Variants in TMOD3 observed in about 807,000 individuals in gnomAD.
TMOD3 encodes the protein tropomodulin 3, also known as tropomodulin-3.
TMOD3 carries 20 observed loss-of-function variants against 39.2 expected under a neutral mutation model. The observed-to-expected ratio is 0.51, with a 90% confidence interval of 0.36 to 0.74. The LOEUF (loss-of-function observed/expected upper bound fraction) is 0.74. Ranked by LOEUF, TMOD3 falls within the 30% of genes least tolerant of loss-of-function variation. TMOD3 has a pLI of 0.00. For synonymous variants in TMOD3, 143 were observed against 145.8 expected (o/e 0.98, Z 0.14); for missense variants, 381 against 412.8 (o/e 0.92, Z 0.67).
chr15:51,897,794 A>AC (rs914456257), intron 7 of TMOD3, among the ~76,000 whole-genome samples: 8 of 150,978 alleles, frequency 5.3e-5, no homozygotes, highest in Admixed American at 2.0e-4. Flanking sequence ...AAAAAAAAAA[A>AC]AAAACAAAAA....
intron 5 of TMOD3, among the ~76,000 whole-genome samples, chr15:51,889,915 C>T (rs1391436253): frequency 6.6e-6 from 1 of 151,996 alleles, no homozygotes; most frequent in Non-Finnish European, 1.5e-5. Flanking sequence ...GTGATACATG[C>T]CTTTGTAGCA....
In TMOD3 at chr15:51,909,005, T is replaced by C. The variant is rs1348173191; in HGVS notation, c.*195T>C. 1 of 403,242 alleles carries C rather than the reference T, an allele frequency of 2.5e-6. No homozygotes were observed. The highest frequency in any genetic ancestry group is 4.4e-6 in the Non-Finnish European group (1 of 227,314). The allele number at this position is 403,242 out of a possible 1,614,324, so 25.0% of individuals were successfully genotyped here. A position where few individuals can be genotyped will look rare whatever the true frequency, so the allele number is the denominator to read the frequency against. ...TTTATATTCTGAAACATTTCTACTTTCTGCTAAAATCAATTTTAATTTAGT... is the reference window on the plus strand; with the variant it reads ...TTTATATTCTGAAACATTTCTACTTCCTGCTAAAATCAATTTTAATTTAGT... On this transcript the variant is annotated 3_prime_UTR_variant, in exon 10 of 10. Transcript: ENST00000308580.
At chr15:51,832,644 C>T (rs1163653671) in intron 1 of TMOD3, among the ~76,000 whole-genome samples, 2 of 151,870 alleles carry the variant, frequency 1.3e-5, no homozygotes, top group African/African-American at 4.8e-5. Context: ...ACAGCCTGGG[C>T]AACATAGCAA....
chr15:51,839,082 CAGAA>C, intron 1 of TMOD3, among the ~76,000 whole-genome samples: 1 of 151,522 alleles, frequency 6.6e-6, no homozygotes, highest in African/African-American at 2.4e-5. Context: ...ATTTTGATGT[CAGAA>C]GGAAGTGACC....
chr15:51,859,934 T>C (rs190688929), intron 1 of TMOD3: 47 of 545,056 alleles, frequency 8.6e-5, no homozygotes, highest in African/African-American at 8.4e-4. Flanking sequence ...TTCCAACCTC[T>C]TCCCTCTGAG....
At chr15:51,859,558 C>A in intron 1 of TMOD3, 2 of 611,466 alleles carry the variant, frequency 3.3e-6, no homozygotes. Flanking sequence ...TTCAGGGTTA[C>A]TGAGTTGGCA....
At chr15:51,844,621 G>A (rs965292965) in intron 1 of TMOD3, among the ~76,000 whole-genome samples, 1 of 152,186 alleles carries the variant, frequency 6.6e-6, no homozygotes, top group Non-Finnish European at 1.5e-5. Context: ...AGGAAATAAA[G>A]ACCAAGGCAG....
At chr15:51,866,057 G>A (rs907739090) in intron 2 of TMOD3, among the ~76,000 whole-genome samples, 4 of 152,118 alleles carry the variant, frequency 2.6e-5, no homozygotes, top group Non-Finnish European at 5.9e-5. Flanking sequence ...TATATGAAAA[G>A]TAATTATGAT....
chr15:51,893,198 G>A (rs1388126004), intron 5 of TMOD3, among the ~76,000 whole-genome samples: 1 of 147,588 alleles, frequency 6.8e-6, no homozygotes, highest in Non-Finnish European at 1.5e-5. Context: ...GGGAGGCTGA[G>A]GCAGGAGAGT....
rs2056728518 is a variant in TMOD3, at chr15:51,915,348, TAA to T, written c.*6542_*6543del. Reference sequence around the variant, plus strand: ...TTCAAATGTATATACACGTATAACATAAAAATTTTTGTAATTTCAAATGTCTT... The same window carrying T: ...TTCAAATGTATATACACGTATAACATAAATTTTTGTAATTTCAAATGTCTT... On this transcript the variant is annotated 3_prime_UTR_variant, in exon 10 of 10. Coordinates refer to ENST00000308580, the MANE Select transcript of TMOD3 (RefSeq NM_014547.5). The T allele has an allele frequency of 6.6e-6, 1 of 152,174 alleles. No homozygotes were observed. The highest frequency in any genetic ancestry group is 6.5e-5 in the Admixed American group (1 of 15,270). The allele number at this position is 152,174 out of a possible 1,614,324, so 9.4% of individuals were successfully genotyped here.
At position 51,862,927 on chromosome 15, in the gene TMOD3, C is replaced by T. The variant is rs2056426441; in HGVS notation, c.43C>T (p.Leu15Phe). Residue 15 changes from leucine (L) to phenylalanine (F), a missense_variant, in exon 2 of 10, where the codon CTT becomes TTT. Physicochemically the swap from Leu to Phe is conservative, Grantham distance 22. Transcript: ENST00000308580. ...TAAGGACTTAGAAAAGTACAAAGAC[C>T]TTGATGAAGATGAGCTCCTTGGGAA... ...FRKDLEKYKD[L>F]DEDELLGNLS... 2 of 1,613,998 alleles carry T rather than the reference C, an allele frequency of 1.2e-6. No homozygotes were observed. Among genetic ancestry groups the T allele is most frequent in the Non-Finnish European group, 1.7e-6 (2 of 1,179,952 alleles).
At chr15:51,875,028 A>C (rs930188149) in intron 3 of TMOD3, 3 of 152,126 alleles carry the variant, frequency 2.0e-5, no homozygotes, top group African/African-American at 7.2e-5. Context: ...GCTTTTTTAA[A>C]GGTAAATTTA....
At chr15:51,881,546 A>ATTT (rs1402629961) in intron 3 of TMOD3, among the ~76,000 whole-genome samples, 1 of 49,856 alleles carries the variant, frequency 2.0e-5, no homozygotes, top group Non-Finnish European at 3.9e-5. Flanking sequence ...ATCTTTCTTT[A>ATTT]TTTCTTTTTT....
intron 1 of TMOD3, among the ~76,000 whole-genome samples, chr15:51,845,760 A>AG (rs1197439299): frequency 2.6e-5 from 4 of 152,124 alleles, no homozygotes; most frequent in Admixed American, 1.3e-4. Context: ...AAATAAAACA[A>AG]GGAAAGAATT....
chr15:51,891,375 T>G (rs2056592520), intron 5 of TMOD3, among the ~76,000 whole-genome samples: 1 of 152,168 alleles, frequency 6.6e-6, no homozygotes, highest in Admixed American at 6.5e-5. Flanking sequence ...TCACCTATGT[T>G]TCTGTAAACT....
chr15:51,875,710 G>T (rs1484268218), intron 3 of TMOD3, among the ~76,000 whole-genome samples: 2 of 150,778 alleles, frequency 1.3e-5, no homozygotes, highest in Non-Finnish European at 2.9e-5. Context: ...CCACCTCCTG[G>T]GTTCATGCCA....
chr15:51,855,717 A>C (rs185863197), intron 1 of TMOD3, among the ~76,000 whole-genome samples: 157 of 152,332 alleles, frequency 1.0e-3, no homozygotes, highest in Non-Finnish European at 1.8e-3. Flanking sequence ...CCTCTTCATC[A>C]TTCAGAATTT....
Position 51,842,256 on chromosome 15 carries a change from C to T in TMOD3, c.-75+12420C>T, listed in dbSNP as rs1270202117. Among the ~76,000 whole-genome samples, 3 of 152,218 alleles carry T rather than the reference C, an allele frequency of 2.0e-5. No homozygotes were observed. The East Asian group carries it at 5.8e-4, about 29-fold the overall frequency. On this transcript the variant is annotated intron_variant, in intron 1 of 9. Transcript: ENST00000308580. ...AAAACCTAGTGAATACCCCTCTCCC[C>T]TTACTTTACTGGACTGCATGCTGCT...
chr15:51,871,241 A>G (rs568191476), intron 3 of TMOD3, among the ~76,000 whole-genome samples: 1 of 152,298 alleles, frequency 6.6e-6, no homozygotes, highest in Non-Finnish European at 1.5e-5. Flanking sequence ...AAGTGTGGAG[A>G]ATCATAAAGA....
Sources: gnomAD v4.1 joint callset for allele counts (sites outside exome capture counted in the v4.1 genomes callset) on GRCh38, gnomAD v4.1.1 for gene constraint, MANE v1.5 for transcripts, NCBI Gene and HGNC (gene_info 2026-07-23, HGNC 2026-07-21) for gene names.